POP1: variants seen among roughly 807,000 people sequenced by gnomAD.
The protein encoded by POP1 is ribonucleases P/MRP protein subunit POP1.
Under a neutral mutation model 102.2 loss-of-function variants are expected in POP1, and 75 were observed. That is an observed-to-expected ratio of 0.73 (90% CI 0.61 to 0.89). The LOEUF (loss-of-function observed/expected upper bound fraction) is 0.89, where lower values mean the gene tolerates loss of function less well. POP1 is among the 40% of genes least tolerant of loss of function. POP1 has a pLI of 0.00. For missense variants in POP1, 1,116 were observed against 1,267.4 expected, an observed-to-expected ratio of 0.88 and a Z score of 1.81; for synonymous variants, 436 against 464.1, an observed-to-expected ratio of 0.94 and a Z score of 0.78.
chr8:98,128,466 C>G lies in POP1; in HGVS notation c.412C>G (p.His138Asp). 1 of 1,614,012 alleles carries G rather than the reference C, an allele frequency of 6.2e-7. No homozygotes were observed. The highest frequency in any genetic ancestry group is 8.5e-7 in the Non-Finnish European group (1 of 1,179,936). ...ACTGGTTTTTCAGACTCTGCCACGG[C>G]ACATGCGACGAAGAGCCATGAGCCA... ...NSLVFQTLPR[H>D]MRRRAMSHNV... is the part of the protein sequence containing the mutation. The change falls in exon 4 of 16, where the codon CAC (histidine) becomes GAC (aspartate). Residue 138 changes from histidine (H) to aspartate (D), a missense_variant. Transcript: ENST00000401707.
chr8:98,121,337 A>G lies in POP1; in HGVS notation c.-2-1999A>G, dbSNP rs570965092. 6.6e-5 allele frequency among the ~76,000 whole-genome samples: 10 copies of G among 152,158 alleles called. 2 individuals are homozygous for G. Among genetic ancestry groups the G allele is most frequent in the African/African-American group, 2.4e-4 (10 of 41,514 alleles). On this transcript the variant is annotated intron_variant, in intron 1 of 15. Transcript: ENST00000401707. ...TAGTGGCTCTCAGTGGAAGTGGGCA[A>G]ATTCTGATGTGGCTGGCATTTTGGA...
chr8:98,140,868 C>T lies in POP1; in HGVS notation c.1574C>T (p.Pro525Leu), dbSNP rs776892516. ...CCCCAAAAGAAGTCCAAAGCTTTGC[C>T]CAATCCAGAAAAATGCCAAGGTAAA... ...NLPQKKSKAL[P>L]NPEKCQDNEK... is the part of the protein sequence containing the mutation. The change falls in exon 11 of 16, where the codon CCC becomes CTC. Residue 525 changes from proline to leucine, a missense_variant. By Grantham distance (98) the Pro-to-Leu change is moderately conservative. Transcript: ENST00000401707. 3 of 1,613,966 alleles carry T rather than the reference C, an allele frequency of 1.9e-6. No homozygotes were observed. Among genetic ancestry groups the T allele is most frequent in the South Asian group, 1.1e-5 (1 of 91,068 alleles).
intron 13 of POP1, among the ~76,000 whole-genome samples, chr8:98,149,470 T>C (rs1366252743): frequency 1.3e-5 from 2 of 152,136 alleles, no homozygotes; most frequent in African/African-American, 4.8e-5. Context: ...AAATATTACT[T>C]TGAAGGCTGG....
intron 11 of POP1, among the ~76,000 whole-genome samples, chr8:98,144,922 C>G (rs923864031): frequency 2.4e-4 from 36 of 152,288 alleles, no homozygotes; most frequent in African/African-American, 8.4e-4. Flanking sequence ...GGGTCTGGCT[C>G]TGTCACCCAG....
At chr8:98,124,293 G>T (rs1206914885) in intron 2 of POP1, among the ~76,000 whole-genome samples, 2 of 152,146 alleles carry the variant, frequency 1.3e-5, no homozygotes, top group African/African-American at 2.4e-5. Flanking sequence ...CAGGGGCGGT[G>T]GCTCACACCT....
Position 98,140,207 on chromosome 8 carries a change from T to C in POP1, c.1474+18T>C. The C allele has an allele frequency of 6.2e-7, 1 of 1,606,206 alleles. No individual in the cohort carries two copies. The highest frequency in any genetic ancestry group is 1.7e-5 in the Admixed American group (1 of 59,892). On this transcript the variant is annotated intron_variant, in intron 10 of 15. Transcript: ENST00000401707. ...GTTGGGAGGTATACAAAGGGAAGAC[T>C]GGGTTGTGTTGGGGAGGGAAGGGGG... is the stretch of plus-strand genomic sequence containing the variant.
At chr8:98,133,193 G>C (rs1280845533) in intron 5 of POP1, among the ~76,000 whole-genome samples, 1 of 152,074 alleles carries the variant, frequency 6.6e-6, no homozygotes, top group Non-Finnish European at 1.5e-5. Flanking sequence ...CTCTAGCACT[G>C]GCAACAGAGT....
At chr8:98,126,043 T>C (rs1221454315) in intron 2 of POP1, among the ~76,000 whole-genome samples, 1 of 148,650 alleles carries the variant, frequency 6.7e-6, no homozygotes, top group Admixed American at 6.8e-5. Context: ...AGAGACAGGG[T>C]TTTGCCACGT....
In POP1 at chr8:98,127,807, T is replaced by C. The variant is rs370690160; in HGVS notation, c.310+45T>C. On this transcript the variant is annotated intron_variant, in intron 3 of 15. Transcript: ENST00000401707. ...TGCAGTTTGCTTGTATTTTGAACTC[T>C]CGTGTCTAGTGCAGCAACAAACTGC... The C allele has an allele frequency of 5.0e-6, 8 of 1,593,928 alleles. No individual in the cohort carries two copies. In the African/African-American group the frequency reaches 5.4e-5, roughly 11 times the overall value.
chr8:98,140,708 C>T, intron 10 of POP1, 61 bp from the exon 11 acceptor site: 4 of 1,548,592 alleles, frequency 2.6e-6, no homozygotes, highest in Non-Finnish European at 3.6e-6. Context: ...TTTAAAAATA[C>T]AAGCAAATAC....
At chr8:98,131,529 C>G (rs1444906985) in intron 5 of POP1, among the ~76,000 whole-genome samples, 2 of 152,162 alleles carry the variant, frequency 1.3e-5, no homozygotes. Context: ...TTACTTCCAC[C>G]TTTTGGCTAT....
At chr8:98,144,174 A>T (rs1245942676) in intron 11 of POP1, among the ~76,000 whole-genome samples, 1 of 151,804 alleles carries the variant, frequency 6.6e-6, no homozygotes. Flanking sequence ...AAACCCAAAA[A>T]TTTCCTCTGT....
At chr8:98,121,818 G>A (rs867158727) in intron 1 of POP1, among the ~76,000 whole-genome samples, 1 of 151,842 alleles carries the variant, frequency 6.6e-6, no homozygotes, top group African/African-American at 2.4e-5. Flanking sequence ...GAGTAGCTGC[G>A]ACTACAGGCG....
chr8:98,136,428 C>T (rs1290805453), intron 7 of POP1, 54 bp from the exon 8 acceptor site: 19 of 1,522,146 alleles, frequency 1.2e-5, no homozygotes, highest in African/African-American at 4.3e-5. Context: ...CTAAATTTGT[C>T]GTAATATATT....
intron 2 of POP1, among the ~76,000 whole-genome samples, chr8:98,124,074 A>G (rs1482149595): frequency 3.9e-5 from 6 of 152,168 alleles, no homozygotes; most frequent in African/African-American, 7.2e-5. Context: ...CCCAGCTGTC[A>G]TGCAGAAATG....
intron 1 of POP1, among the ~76,000 whole-genome samples, chr8:98,121,684 A>AT (rs35137527): frequency 0.024 from 3,299 of 136,406 alleles, 48 homozygotes; most frequent in Middle Eastern, 0.098. Flanking sequence ...CACCCAACTA[A>AT]TTTTTTTTTT....
intron 5 of POP1, among the ~76,000 whole-genome samples, chr8:98,130,681 G>A (rs1816357410): frequency 6.6e-6 from 1 of 152,166 alleles, no homozygotes; most frequent in Admixed American, 6.5e-5. Context: ...TAGGAACCAG[G>A]TCGTGCAGGT....
In POP1 at chr8:98,140,831, CG is replaced by C. The variant is rs1352999320; in HGVS notation, c.1538del (p.Arg513GlnfsTer2). 1.9e-6 allele frequency: 3 copies of C among 1,613,778 alleles called. No individual in the cohort carries two copies. The highest frequency in any genetic ancestry group is 2.5e-6 in the Non-Finnish European group (3 of 1,179,814). On this transcript the variant is annotated frameshift_variant, in exon 11 of 16. Coordinates refer to ENST00000401707, the MANE Select transcript of POP1 (RefSeq NM_001145860.2). LOFTEE classifies it high-confidence loss of function. ...TILGLTVGDP[R>X]INLPQKKSKA... ...TCTGGGACTGACAGTTGGGGATCCTCGAATAAATTTGCCCCAAAAGAAGTCC... is the reference window on the plus strand; with the variant it reads ...TCTGGGACTGACAGTTGGGGATCCTCAATAAATTTGCCCCAAAAGAAGTCC...
rs745858289 is a variant in POP1, at chr8:98,140,749, T to A, written c.1475-20T>A. On this transcript the variant is annotated intron_variant, in intron 10 of 15. Coordinates refer to ENST00000401707, the MANE Select transcript of POP1 (RefSeq NM_001145860.2). ...TATTATGAATGACTTTCTGTAAACT[T>A]CTTTTTGTTGTTGTTAAAGGAATAA... 3 of 1,613,010 alleles carry A rather than the reference T, an allele frequency of 1.9e-6. No individual in the cohort carries two copies. Among genetic ancestry groups the A allele is most frequent in the Non-Finnish European group, 2.5e-6 (3 of 1,179,028 alleles).
Sources: allele counts gnomAD v4.1 joint callset (sites outside exome capture counted in the v4.1 genomes callset), GRCh38; gene constraint gnomAD v4.1.1; transcripts MANE v1.5; gene names NCBI Gene and HGNC (gene_info 2026-07-23, HGNC 2026-07-21).